The following GAS2 variants were observed in gnomAD, a reference collection of about 807,000 sequenced individuals.
The protein encoded by GAS2 is growth arrest-specific protein 2.
A neutral mutation model predicts 37.5 loss-of-function variants in GAS2; 20 were observed. The observed-to-expected ratio is 0.53, with a 90% CI of 0.37 to 0.77. The LOEUF (loss-of-function observed/expected upper bound fraction) is 0.77, where lower values mean the gene tolerates loss of function less well. GAS2 is among the 30% of genes least tolerant of loss of function. The probability of loss-of-function intolerance (pLI) is 0.00; values close to 1 mark genes in which losing one functional copy is unlikely to be tolerated. For missense variants in GAS2, 336 were observed against 373.4 expected (o/e 0.90, Z 0.82); for synonymous variants, 144 against 132.2 (o/e 1.09, Z -0.61).
intron 2 of GAS2, among the ~76,000 whole-genome samples, chr11:22,678,576 A>G (rs1849541632): frequency 7.7e-6 from 1 of 130,456 alleles, no homozygotes. Flanking sequence ...AAAGCTTTTA[A>G]TTAGGATTTG....
Position 22,672,903 on chromosome 11 carries a change from A to G in GAS2, c.-20-1947A>G, listed in dbSNP as rs567927809. On this transcript the variant is annotated intron_variant, in intron 1 of 7. Coordinates refer to ENST00000454584, the MANE Select transcript of GAS2 (RefSeq NM_001143830.3). The stretch of plus-strand genomic sequence containing the variant: ...GAAAACTTTAGGACTTTATATGGAT[A>G]ACATCATTATTAACTATGAAATAAT... 5.9e-5 allele frequency among the ~76,000 whole-genome samples: 9 copies of G among 152,210 alleles called. No homozygotes were observed. The South Asian group carries it at 1.9e-3, about 32-fold the overall frequency.
At chr11:22,806,667 G>C (rs1039222271) in intron 7 of GAS2, among the ~76,000 whole-genome samples, 8 of 152,122 alleles carry the variant, frequency 5.3e-5, no homozygotes, top group Non-Finnish European at 1.2e-4. Flanking sequence ...CCTTCAAACA[G>C]CTTAGCCACT....
intron 7 of GAS2, among the ~76,000 whole-genome samples, chr11:22,805,079 G>A (rs1225692338): frequency 6.6e-6 from 1 of 151,896 alleles, no homozygotes; most frequent in Non-Finnish European, 1.5e-5. Flanking sequence ...TATGGAGATG[G>A]AGGTGAGTGT....
intron 7 of GAS2, among the ~76,000 whole-genome samples, chr11:22,776,944 G>A (rs1400337157): frequency 6.6e-6 from 1 of 152,088 alleles, no homozygotes; most frequent in African/African-American, 2.4e-5. Context: ...TTCTGTAGCT[G>A]GCATGTCATA....
At chr11:22,811,737 T>C in intron 7 of GAS2, 61 bp from the exon 8 acceptor site, 2 of 1,474,968 alleles carry the variant, frequency 1.4e-6, no homozygotes, top group Non-Finnish European at 9.5e-7. Context: ...GAACCAGGGG[T>C]TGATTCAAGG....
intron 3 of GAS2, among the ~76,000 whole-genome samples, chr11:22,706,548 T>A (rs1271591051): frequency 2.0e-5 from 3 of 151,560 alleles, no homozygotes; most frequent in Non-Finnish European, 4.4e-5. Flanking sequence ...TGTGATCTCA[T>A]TGTTCAATTC....
chr11:22,780,457 T>A (rs1855500514), intron 7 of GAS2, among the ~76,000 whole-genome samples: 1 of 150,554 alleles, frequency 6.6e-6, no homozygotes, highest in Non-Finnish European at 1.5e-5. Flanking sequence ...ATCGTGCCAC[T>A]GCACTCCAGC....
chr11:22,685,671 A>T lies in GAS2; in HGVS notation c.149A>T (p.Lys50Met). 6.2e-7 allele frequency: 1 copy of T among 1,611,008 alleles called. No homozygotes were observed. Among genetic ancestry groups the T allele is most frequent in the Non-Finnish European group, 8.5e-7 (1 of 1,178,866 alleles). Residue 50 changes from lysine to methionine, a missense_variant, in exon 3 of 8, where the codon AAG becomes ATG. Physicochemically the swap from Lys to Met is moderately conservative, Grantham distance 95. Coordinates refer to ENST00000454584, the MANE Select transcript of GAS2 (RefSeq NM_001143830.3). ...LALWLTNLLG[K>M]EITAETFMEK... ...ATGCTTCTTTTTGTTATTTCAGGGA[A>T]GGAGATTACAGCAGAAACTTTTATG...
chr11:22,651,324 C>G (rs572468136), intron 1 of GAS2, among the ~76,000 whole-genome samples: 3 of 152,122 alleles, frequency 2.0e-5, no homozygotes, highest in African/African-American at 7.2e-5. Context: ...GTGGGTAACC[C>G]GAACTTTCGC....
intron 3 of GAS2, among the ~76,000 whole-genome samples, chr11:22,714,236 G>A (rs1851552548): frequency 2.6e-5 from 4 of 152,040 alleles, no homozygotes; most frequent in Admixed American, 2.6e-4. Context: ...TCTTATATCA[G>A]ACAAAACAGA....
intron 1 of GAS2, among the ~76,000 whole-genome samples, chr11:22,658,142 C>G (rs1448905647): frequency 6.6e-6 from 1 of 151,996 alleles, no homozygotes; most frequent in African/African-American, 2.4e-5. Context: ...TCTCCTGCCT[C>G]AGCCTCTCAA....
At chr11:22,705,510 T>C (rs1021927872) in intron 3 of GAS2, among the ~76,000 whole-genome samples, 4 of 152,178 alleles carry the variant, frequency 2.6e-5, no homozygotes, top group Admixed American at 6.6e-5. Flanking sequence ...TAAAGCATTA[T>C]TGGGTCCTCC....
chr11:22,763,650 C>T (rs1590104221), intron 7 of GAS2, among the ~76,000 whole-genome samples: 1 of 149,484 alleles, frequency 6.7e-6, no homozygotes, highest in African/African-American at 2.5e-5. Flanking sequence ...CACACACACA[C>T]ACACACACAC....
intron 7 of GAS2, among the ~76,000 whole-genome samples, chr11:22,782,766 CTTTTTTTT>C (rs34122574): frequency 2.2e-4 from 25 of 113,834 alleles, no homozygotes; most frequent in African/African-American, 3.0e-4. Flanking sequence ...TGATTTTGTT[CTTTTTTTT>C]TTTTTTTTTT....
chr11:22,639,913 G>A (rs565067489), intron 1 of GAS2, among the ~76,000 whole-genome samples: 1 of 152,266 alleles, frequency 6.6e-6, no homozygotes, highest in African/African-American at 2.4e-5. Flanking sequence ...TCTGGGAAGT[G>A]AGTGTCATTA....
At chr11:22,807,942 A>G (rs1856973519) in intron 7 of GAS2, among the ~76,000 whole-genome samples, 2 of 152,242 alleles carry the variant, frequency 1.3e-5, no homozygotes, top group Middle Eastern at 3.4e-3. Flanking sequence ...AGTCCTGATG[A>G]TTGATTTTCT....
chr11:22,676,338 G>T (rs907935271), intron 2 of GAS2, among the ~76,000 whole-genome samples: 2 of 152,068 alleles, frequency 1.3e-5, no homozygotes, highest in Non-Finnish European at 2.9e-5. Flanking sequence ...TCTTTTTGGG[G>T]TTCACTAATG....
At chr11:22,725,232 G>A (rs1360330485) in intron 3 of GAS2, among the ~76,000 whole-genome samples, 4 of 151,948 alleles carry the variant, frequency 2.6e-5, no homozygotes, top group African/African-American at 9.7e-5. Context: ...AATTTTACGA[G>A]ATGGTTAACA....
intron 1 of GAS2, among the ~76,000 whole-genome samples, chr11:22,628,570 G>A (rs1858695645): frequency 6.6e-6 from 1 of 151,944 alleles, no homozygotes; most frequent in African/African-American, 2.4e-5. Flanking sequence ...CTGTTCTTTG[G>A]TGAAGTTTTC....
Sources: gnomAD v4.1 joint callset for allele counts (sites outside exome capture counted in the v4.1 genomes callset) on GRCh38, gnomAD v4.1.1 for gene constraint, MANE v1.5 for transcripts, NCBI Gene and HGNC (gene_info 2026-07-23, HGNC 2026-07-21) for gene names.